MLLT3: variants seen among roughly 807,000 people sequenced by gnomAD.
MLLT3 encodes the protein protein AF-9.
MLLT3 carries 4 observed loss-of-function variants against 53.2 expected under a neutral mutation model. The ratio of observed to expected loss-of-function variants is 0.08; its 90% CI spans 0.04 to 0.17. The LOEUF (loss-of-function observed/expected upper bound fraction) is 0.17. Ranked by LOEUF, MLLT3 falls within the 10% of genes least tolerant of loss-of-function variation. The pLI, the probability that MLLT3 is intolerant of heterozygous loss-of-function variation, is 1.00. For missense variants in MLLT3, 569 were observed against 684.0 expected (o/e 0.83, Z 1.87); for synonymous variants, 283 against 230.6 (o/e 1.23, Z -2.06).
chr9:20,361,603 C>T (rs553901246), intron 7 of MLLT3, among the ~76,000 whole-genome samples: 1 of 152,164 alleles, frequency 6.6e-6, no homozygotes, highest in South Asian at 2.1e-4. Flanking sequence ...TTGGGATAAC[C>T]GCTTTGGAAA....
At chr9:20,405,620 A>G in intron 5 of MLLT3, among the ~76,000 whole-genome samples, 1 of 152,228 alleles carries the variant, frequency 6.6e-6, no homozygotes, top group Middle Eastern at 3.2e-3. Flanking sequence ...TATAAAATAA[A>G]AGAGTCCCAC....
intron 2 of MLLT3, among the ~76,000 whole-genome samples, chr9:20,611,542 C>T (rs1348878726): frequency 6.6e-6 from 1 of 151,936 alleles, no homozygotes; most frequent in Non-Finnish European, 1.5e-5. Flanking sequence ...AAAAAATTAA[C>T]TTGGCTTTGA....
rs1187019964 is a variant in MLLT3 at position 20,467,984 on chromosome 9, T to G, written c.194-11198A>C. On this transcript the variant is annotated intron_variant, in intron 2 of 10. Coordinates refer to ENST00000380338, the MANE Select transcript of MLLT3 (RefSeq NM_004529.4). ...TATGTATAACGTGGAGACAGAGAAG[T>G]TTAGTGGTCGAGAGCCAGAGCCTTT... Among the ~76,000 whole-genome samples the G allele has an allele frequency of 5.9e-5, 9 of 152,264 alleles. No individual in the cohort carries two copies. The East Asian group carries it at 1.7e-3, about 29-fold the overall frequency.
intron 2 of MLLT3, among the ~76,000 whole-genome samples, chr9:20,526,751 A>G (rs1312593471): frequency 1.3e-5 from 2 of 152,184 alleles, no homozygotes; most frequent in African/African-American, 4.8e-5. Flanking sequence ...AAGTGCTCAC[A>G]TCAATTTACA....
intron 5 of MLLT3, among the ~76,000 whole-genome samples, chr9:20,403,097 T>C (rs1822495921): frequency 1.3e-5 from 2 of 151,236 alleles, no homozygotes; most frequent in South Asian, 4.2e-4. Flanking sequence ...ACTGGGGGCC[T>C]GCATCCGAGG....
intron 2 of MLLT3, among the ~76,000 whole-genome samples, chr9:20,574,758 C>A (rs1481764700): frequency 6.6e-6 from 1 of 152,102 alleles, no homozygotes; most frequent in African/African-American, 2.4e-5. Flanking sequence ...GGAAATATGA[C>A]AACAATAAAG....
chr9:20,505,632 G>A (rs935019445), intron 2 of MLLT3, among the ~76,000 whole-genome samples: 1 of 152,110 alleles, frequency 6.6e-6, no homozygotes, highest in Non-Finnish European at 1.5e-5. Flanking sequence ...TCCTTACCTT[G>A]GCTTATGGCA....
chr9:20,463,268 T>C (rs1342865873), intron 2 of MLLT3, among the ~76,000 whole-genome samples: 1 of 146,560 alleles, frequency 6.8e-6, no homozygotes, highest in Non-Finnish European at 1.5e-5. Context: ...CCCTGGCTTC[T>C]CTTTCAAGGG....
intron 5 of MLLT3, among the ~76,000 whole-genome samples, chr9:20,394,223 T>C (rs866933418): frequency 6.6e-6 from 1 of 152,090 alleles, no homozygotes; most frequent in Admixed American, 6.6e-5. Flanking sequence ...GGGGGGAGCA[T>C]TGAGGGACAG....
intron 2 of MLLT3, among the ~76,000 whole-genome samples, chr9:20,580,057 C>T (rs1298530251): frequency 1.3e-5 from 2 of 152,142 alleles, no homozygotes; most frequent in African/African-American, 4.8e-5. Context: ...AGCTTCTTAC[C>T]ACCTTAGCAA....
chr9:20,593,169 C>T (rs1296723356), intron 2 of MLLT3, among the ~76,000 whole-genome samples: 1 of 152,134 alleles, frequency 6.6e-6, no homozygotes, highest in Non-Finnish European at 1.5e-5. Context: ...AAAACAAGGG[C>T]TTCAATATTG....
intron 2 of MLLT3, among the ~76,000 whole-genome samples, chr9:20,539,006 C>T (rs1244633455): frequency 6.6e-6 from 1 of 152,240 alleles, no homozygotes; most frequent in African/African-American, 2.4e-5. Context: ...ATCACTTGAG[C>T]ATTCAGCAAA....
chr9:20,344,926 C>A lies in MLLT3; in HGVS notation c.*1517G>T. 1 of 214,536 alleles carries A rather than the reference C, an allele frequency of 4.7e-6. No homozygotes were observed. Among genetic ancestry groups the A allele is most frequent in the African/African-American group, 2.3e-5 (1 of 44,444 alleles). 13.3% of individuals were successfully genotyped at this position (214,536 alleles called of 1,614,324 possible). A position where few individuals can be genotyped will look rare whatever the true frequency, so the allele number is the denominator to read the frequency against. On this transcript the variant is annotated 3_prime_UTR_variant, in exon 11 of 11. Coordinates refer to ENST00000380338, the MANE Select transcript of MLLT3 (RefSeq NM_004529.4). ...TTCTTAAGGCTGATCCAGTGACGAA[C>A]CTTTGGATCCAGAAGTATTTCTTCA... is the stretch of plus-strand genomic sequence containing the variant.
chr9:20,413,308 C>G (rs968353416), intron 5 of MLLT3, among the ~76,000 whole-genome samples: 1 of 152,092 alleles, frequency 6.6e-6, no homozygotes, highest in African/African-American at 2.4e-5. Flanking sequence ...ATCAAAACAT[C>G]AACATTATAG....
intron 2 of MLLT3, among the ~76,000 whole-genome samples, chr9:20,531,618 T>C (rs1002564851): frequency 1.3e-5 from 2 of 152,158 alleles, no homozygotes; most frequent in African/African-American, 4.8e-5. Context: ...TGTTTCTATT[T>C]CCACACTTTC....
intron 2 of MLLT3, among the ~76,000 whole-genome samples, chr9:20,483,173 G>A (rs1824708966): frequency 6.6e-6 from 1 of 152,022 alleles, no homozygotes; most frequent in Non-Finnish European, 1.5e-5. Context: ...TTAACGCAAT[G>A]ATCAGAAATG....
chr9:20,442,395 A>T (rs1241743157), intron 4 of MLLT3, among the ~76,000 whole-genome samples: 1 of 152,218 alleles, frequency 6.6e-6, no homozygotes. Context: ...CCATGTGCAC[A>T]AAGAACTATG....
chr9:20,587,313 T>C (rs1018024791), intron 2 of MLLT3, among the ~76,000 whole-genome samples: 12 of 152,176 alleles, frequency 7.9e-5, no homozygotes, highest in South Asian at 2.1e-4. Context: ...TCACTCCTAT[T>C]ATCACTATTC....
rs919127948 is a variant in MLLT3 at position 20,488,204 on chromosome 9, G to A, written c.194-31418C>T. 6.6e-5 allele frequency among the ~76,000 whole-genome samples: 10 copies of A among 152,174 alleles called. No homozygotes were observed. The South Asian group carries it at 1.5e-3, about 22-fold the overall frequency. On this transcript the variant is annotated intron_variant, in intron 2 of 10. Transcript: ENST00000380338. ...CAAAGTGGTTGCCAGGGGTCAGAAGGAGGGGGGAATAGGGAATTACTACTT... is the reference window on the plus strand; with the variant it reads ...CAAAGTGGTTGCCAGGGGTCAGAAGAAGGGGGGAATAGGGAATTACTACTT...
Sources: allele counts gnomAD v4.1 joint callset (sites outside exome capture counted in the v4.1 genomes callset), GRCh38; gene constraint gnomAD v4.1.1; transcripts MANE v1.5; gene names NCBI Gene and HGNC (gene_info 2026-07-23, HGNC 2026-07-21).